The following KIF26B variants were observed in gnomAD, a reference collection of about 807,000 sequenced individuals.
The protein encoded by KIF26B is kinesin-like protein KIF26B.
A neutral mutation model predicts 151.2 loss-of-function variants in KIF26B; 63 were observed. That is an observed-to-expected ratio of 0.42 (90% confidence interval 0.34 to 0.51). The LOEUF is 0.51. Among genes scored for constraint, KIF26B ranks in the 20% least tolerant of loss-of-function variants. The probability of loss-of-function intolerance (pLI) is 0.07; values close to 1 mark genes in which losing one functional copy is unlikely to be tolerated. For missense variants in KIF26B, 2,813 were observed against 2,913.6 expected (o/e 0.97, Z 0.79); for synonymous variants, 1,357 against 1,262.1 (o/e 1.08, Z -1.59).
chr1:245,646,061 G>A, intron 9 of KIF26B, 60 bp from the exon 10 acceptor site: 1 of 1,556,064 alleles, frequency 6.4e-7, no homozygotes, highest in Non-Finnish European at 8.8e-7. Flanking sequence ...GCTACATGAA[G>A]AACAGATGAG....
chr1:245,646,701 C>A (rs2043951721), intron 10 of KIF26B, among the ~76,000 whole-genome samples: 1 of 152,134 alleles, frequency 6.6e-6, no homozygotes, highest in South Asian at 2.1e-4. Context: ...ATTCAAATTT[C>A]AGATAACCAA....
intron 9 of KIF26B, among the ~76,000 whole-genome samples, chr1:245,622,493 G>A (rs745798982): frequency 3.3e-5 from 5 of 152,168 alleles, no homozygotes; most frequent in Admixed American, 6.5e-5. Flanking sequence ...CTGCAGACGC[G>A]TGGATGCCTA....
intron 2 of KIF26B, among the ~76,000 whole-genome samples, chr1:245,310,147 C>G (rs1371869469): frequency 1.4e-5 from 2 of 146,794 alleles, no homozygotes; most frequent in African/African-American, 5.0e-5. Context: ...ATATACATAT[C>G]AATCAATAAA....
intron 2 of KIF26B, among the ~76,000 whole-genome samples, chr1:245,185,778 C>T (rs1668988977): frequency 1.3e-5 from 2 of 152,186 alleles, no homozygotes; most frequent in South Asian, 4.1e-4. Context: ...AAAATGCCCC[C>T]TTTGATGAGT....
intron 2 of KIF26B, among the ~76,000 whole-genome samples, chr1:245,357,131 G>T (rs1672717934): frequency 6.6e-6 from 1 of 152,182 alleles, no homozygotes; most frequent in African/African-American, 2.4e-5. Context: ...GCCGAGTCCT[G>T]CAGAGCCCAT....
At chr1:245,205,107 A>G (rs780280748) in intron 2 of KIF26B, among the ~76,000 whole-genome samples, 9 of 152,092 alleles carry the variant, frequency 5.9e-5, no homozygotes, top group Non-Finnish European at 8.8e-5. Flanking sequence ...TTGTTCATTT[A>G]ACAGGCCTGG....
intron 2 of KIF26B, among the ~76,000 whole-genome samples, chr1:245,178,418 G>A (rs538740951): frequency 1.4e-4 from 22 of 152,002 alleles, no homozygotes; most frequent in Non-Finnish European, 2.6e-4. Flanking sequence ...CTCTTCAGTC[G>A]TCAGTCTCTT....
At chr1:245,348,047 C>T (rs1387226286) in intron 2 of KIF26B, among the ~76,000 whole-genome samples, 1 of 152,216 alleles carries the variant, frequency 6.6e-6, no homozygotes, top group African/African-American at 2.4e-5. Context: ...CCTCATTTTA[C>T]TTGATCTATC....
intron 4 of KIF26B, among the ~76,000 whole-genome samples, chr1:245,479,081 G>A (rs966425571): frequency 2.6e-5 from 4 of 151,664 alleles, no homozygotes; most frequent in African/African-American, 4.8e-5. Context: ...AAGAGGAGAC[G>A]TCCAGCAGAG....
intron 9 of KIF26B, among the ~76,000 whole-genome samples, chr1:245,629,218 C>G (rs1325795047): frequency 6.6e-6 from 1 of 152,160 alleles, no homozygotes; most frequent in Non-Finnish European, 1.5e-5. Flanking sequence ...ACTACACTGA[C>G]AGTCTTCACA....
chr1:245,645,035 A>T (rs10924275), intron 9 of KIF26B, among the ~76,000 whole-genome samples: 1 of 152,050 alleles, frequency 6.6e-6, no homozygotes, highest in East Asian at 1.9e-4. Context: ...AGGTGCCAGC[A>T]TCTTTTAAAC....
intron 2 of KIF26B, among the ~76,000 whole-genome samples, chr1:245,158,367 G>T (rs892493729): frequency 2.0e-5 from 3 of 152,226 alleles, no homozygotes; most frequent in African/African-American, 7.2e-5. Context: ...ATGGAGTCCT[G>T]TGACCAGCTG....
intron 2 of KIF26B, among the ~76,000 whole-genome samples, chr1:245,265,647 G>A (rs1201965848): frequency 6.6e-6 from 1 of 151,200 alleles, no homozygotes; most frequent in African/African-American, 2.4e-5. Flanking sequence ...GAGTGTAGTG[G>A]CGTGATCAGC....
intron 9 of KIF26B, among the ~76,000 whole-genome samples, chr1:245,613,124 G>A (rs1364420356): frequency 2.0e-5 from 3 of 152,124 alleles, no homozygotes; most frequent in Non-Finnish European, 4.4e-5. Flanking sequence ...CCGCTCTGCC[G>A]GGCTTTCAAT....
intron 3 of KIF26B, among the ~76,000 whole-genome samples, chr1:245,379,155 A>G (rs1174003): frequency 0.45 from 68,598 of 152,108 alleles, 16,395 homozygotes; most frequent in Admixed American, 0.55. Flanking sequence ...TGCAAATCTG[A>G]AAACATTCCC....
At chr1:245,395,203 G>T (rs1314547390) in intron 3 of KIF26B, among the ~76,000 whole-genome samples, 4 of 152,200 alleles carry the variant, frequency 2.6e-5, no homozygotes, top group African/African-American at 7.2e-5. Flanking sequence ...TTGAGTGCAT[G>T]TCGATGTTGA....
chr1:245,547,519 G>T (rs1330844858), intron 5 of KIF26B, among the ~76,000 whole-genome samples: 2 of 149,836 alleles, frequency 1.3e-5, no homozygotes, highest in Non-Finnish European at 2.9e-5. Flanking sequence ...CCGGGAGGCG[G>T]AGTTGCAGTA....
At chr1:245,363,678 A>C (rs1282657075) in intron 2 of KIF26B, among the ~76,000 whole-genome samples, 2 of 152,184 alleles carry the variant, frequency 1.3e-5, no homozygotes, top group African/African-American at 2.4e-5. Context: ...GATGATAAGA[A>C]CTCACAAAGG....
At chr1:245,205,605 C>T (rs914655345) in intron 2 of KIF26B, among the ~76,000 whole-genome samples, 3 of 152,154 alleles carry the variant, frequency 2.0e-5, no homozygotes, top group Non-Finnish European at 4.4e-5. Context: ...GCAACCAAAT[C>T]TTCCTGTGTA....
Sources: gnomAD v4.1 joint callset for allele counts (sites outside exome capture counted in the v4.1 genomes callset) on GRCh38, gnomAD v4.1.1 for gene constraint, MANE v1.5 for transcripts, NCBI Gene and HGNC (gene_info 2026-07-23, HGNC 2026-07-21) for gene names.